The following DTL variants were observed in gnomAD, a reference collection of about 807,000 sequenced individuals.
DTL encodes denticleless E3 ubiquitin protein ligase adapter.
A neutral mutation model predicts 87.0 loss-of-function variants in DTL; 46 were observed. The observed-to-expected ratio is 0.53, with a 90% CI of 0.42 to 0.68. DTL has a LOEUF of 0.68. Among genes scored for constraint, DTL ranks in the 30% least tolerant of loss-of-function variants. The probability of loss-of-function intolerance (pLI) is 0.00; values close to 1 mark genes in which losing one functional copy is unlikely to be tolerated. For missense variants in DTL, 737 were observed against 869.4 expected (o/e 0.85, Z 1.91); for synonymous variants, 308 against 311.2 (o/e 0.99, Z 0.11).
At position 212,064,970 on chromosome 1, in the gene DTL, A is replaced by G. The variant is rs1654447575; in HGVS notation, c.580A>G (p.Lys194Glu). The change falls in exon 7 of 15, where the codon AAG (lysine) becomes GAG (glutamate). Residue 194 changes from lysine to glutamate, a missense_variant. Transcript: ENST00000366991. ...CAGTGGAGCTCACAATACCTCAGAC[A>G]AGCAAACCCCTTCAAAACCCAAGAA... ...QISGAHNTSD[K>E]QTPSKPKKKQ... The G allele has an allele frequency of 6.2e-7, 1 of 1,614,020 alleles. No individual in the cohort carries two copies. Among genetic ancestry groups the G allele is most frequent in the Admixed American group, 1.7e-5 (1 of 59,998 alleles).
Position 212,065,030 on chromosome 1 carries a change from G to GT in DTL, c.639+2dup. ...TTCAAAAGGACTTGCTCCTTCTGTG[G>GT]TAAGGTTTTACAGATGTATACATGT... On this transcript the variant is annotated splice_donor_variant, in intron 7 of 14. Transcript: ENST00000366991. LOFTEE classifies it high-confidence loss of function. 1 of 1,606,394 alleles carries GT rather than the reference G, an allele frequency of 6.2e-7. No individual in the cohort carries two copies. The highest frequency in any genetic ancestry group is 8.5e-7 in the Non-Finnish European group (1 of 1,173,066).
intron 13 of DTL, among the ~76,000 whole-genome samples, chr1:212,095,895 T>C (rs1655432136): frequency 6.6e-6 from 1 of 152,188 alleles, no homozygotes; most frequent in African/African-American, 2.4e-5. Context: ...CATAGGATGA[T>C]TTAGGGAGTA....
At chr1:212,047,924 C>T (rs1363828863) in intron 5 of DTL, among the ~76,000 whole-genome samples, 2 of 152,184 alleles carry the variant, frequency 1.3e-5, no homozygotes, top group East Asian at 1.9e-4. Context: ...TCTAGCTTGT[C>T]CCTGAAAGTC....
chr1:212,102,951 G>A lies in DTL; in HGVS notation c.*11G>A, dbSNP rs1249479816. On this transcript the variant is annotated 3_prime_UTR_variant, in exon 15 of 15. Coordinates refer to ENST00000366991, the MANE Select transcript of DTL (RefSeq NM_016448.4). Reference sequence around the variant, plus strand: ...TCAACAGAATTATAGATTCTAATCTGAGTGAGTTACTGAGCTTTGGTCCAC... The same window carrying A: ...TCAACAGAATTATAGATTCTAATCTAAGTGAGTTACTGAGCTTTGGTCCAC... 2 of 1,509,844 alleles carry A rather than the reference G, an allele frequency of 1.3e-6. No homozygotes were observed. Among genetic ancestry groups the A allele is most frequent in the Admixed American group, 1.7e-5 (1 of 57,680 alleles). 93.5% of individuals were successfully genotyped at this position (1,509,844 alleles called of 1,614,324 possible).
intron 10 of DTL, among the ~76,000 whole-genome samples, chr1:212,071,424 T>A (rs1008573279): frequency 2.0e-5 from 3 of 152,192 alleles, no homozygotes; most frequent in African/African-American, 7.2e-5. Flanking sequence ...CTTTTGCCAT[T>A]GAGAGTGAGA....
intron 13 of DTL, among the ~76,000 whole-genome samples, chr1:212,094,957 CAG>C (rs1327820019): frequency 5.3e-5 from 8 of 152,148 alleles, no homozygotes; most frequent in Non-Finnish European, 1.0e-4. Context: ...TGAAACCTAA[CAG>C]AATTCATTTA....
intron 5 of DTL, among the ~76,000 whole-genome samples, chr1:212,060,068 A>G (rs951909844): frequency 1.3e-5 from 2 of 152,112 alleles, no homozygotes; most frequent in Non-Finnish European, 2.9e-5. Flanking sequence ...GATGGGAAAA[A>G]ATTATTATTT....
chr1:212,053,200 C>T (rs1049288257), intron 5 of DTL, among the ~76,000 whole-genome samples: 1 of 152,008 alleles, frequency 6.6e-6, no homozygotes, highest in Admixed American at 6.6e-5. Context: ...CTATTTTCTC[C>T]AGCCTGTTCT....
intron 13 of DTL, among the ~76,000 whole-genome samples, chr1:212,085,042 T>C (rs1442384004): frequency 6.6e-6 from 1 of 152,258 alleles, no homozygotes; most frequent in East Asian, 1.9e-4. Context: ...ATAGTTGTTG[T>C]ACTATATCAT....
chr1:212,064,619 C>T (rs964752580), intron 6 of DTL, among the ~76,000 whole-genome samples: 1 of 152,196 alleles, frequency 6.6e-6, no homozygotes, highest in African/African-American at 2.4e-5. Flanking sequence ...TTATCAAGCT[C>T]ATTTCTTTCC....
At chr1:212,051,699 T>G in intron 5 of DTL, 1 of 1,170,634 alleles carries the variant, frequency 8.5e-7, no homozygotes, top group South Asian at 1.2e-5. Context: ...CAGGAAGCTA[T>G]CTCGGCTCTT....
chr1:212,100,492 T>C lies in DTL; in HGVS notation c.1502T>C (p.Ile501Thr). 6.2e-7 allele frequency: 1 copy of C among 1,613,970 alleles called. No homozygotes were observed. Among genetic ancestry groups the C allele is most frequent in the Non-Finnish European group, 8.5e-7 (1 of 1,179,992 alleles). Residue 501 changes from isoleucine to threonine, a missense_variant, in exon 14 of 15, where the codon ATT (isoleucine) becomes ACT (threonine). Transcript: ENST00000366991. ...CCACCTTCATCTTTCAAGATGTCGA[T>C]TAGAAACTGGGTGACCCGAACACCT... ...PKPPSSFKMS[I>T]RNWVTRTPSS...
At chr1:212,082,022 G>C (rs1249717434) in intron 13 of DTL, among the ~76,000 whole-genome samples, 1 of 152,176 alleles carries the variant, frequency 6.6e-6, no homozygotes, top group Non-Finnish European at 1.5e-5. Flanking sequence ...GTGTCTTGGG[G>C]TACCCCGATG....
At chr1:212,038,308 C>T (rs1470078155) in intron 1 of DTL, among the ~76,000 whole-genome samples, 1 of 152,188 alleles carries the variant, frequency 6.6e-6, no homozygotes, top group Non-Finnish European at 1.5e-5. Flanking sequence ...ACTTCCTGTA[C>T]CTGAGATTCA....
At chr1:212,046,525 AGT>A (rs1667811321) in intron 3 of DTL, among the ~76,000 whole-genome samples, 1 of 151,746 alleles carries the variant, frequency 6.6e-6, no homozygotes, top group Admixed American at 6.6e-5. Flanking sequence ...CCCACTTATG[AGT>A]GAGAACATAC....
intron 14 of DTL, among the ~76,000 whole-genome samples, chr1:212,102,210 G>GA (rs1347356816): frequency 1.3e-5 from 2 of 151,802 alleles, no homozygotes; most frequent in African/African-American, 4.8e-5. Context: ...AGAAAGTGGA[G>GA]AAAAAAGACA....
chr1:212,095,353 T>A (rs115768564), intron 13 of DTL, among the ~76,000 whole-genome samples: 1,689 of 152,292 alleles, frequency 0.011, 31 homozygotes, highest in African/African-American at 0.038. Context: ...GAAGTGATCA[T>A]GTGTTTTCGT....
chr1:212,096,653 A>G (rs1311671614), intron 13 of DTL, among the ~76,000 whole-genome samples: 1 of 152,118 alleles, frequency 6.6e-6, no homozygotes, highest in East Asian at 1.9e-4. Flanking sequence ...ATCATTCAGG[A>G]GCGGATTATT....
chr1:212,102,305 G>C (rs1277915303), intron 14 of DTL, among the ~76,000 whole-genome samples: 1 of 151,418 alleles, frequency 6.6e-6, no homozygotes, highest in East Asian at 1.9e-4. Context: ...CAAGGGAGCT[G>C]GTCTCAGCTA....
Sources: allele counts gnomAD v4.1 joint callset (sites outside exome capture counted in the v4.1 genomes callset), GRCh38; gene constraint gnomAD v4.1.1; transcripts MANE v1.5; gene names NCBI Gene and HGNC (gene_info 2026-07-23, HGNC 2026-07-21).